The following MCF2L2 variants were observed in gnomAD, a reference collection of about 807,000 sequenced individuals.
The protein encoded by MCF2L2 is probable guanine nucleotide exchange factor MCF2L2.
In MCF2L2, 102 loss-of-function variants were observed where a neutral mutation model predicts 150.2. That is an observed-to-expected ratio of 0.68 (90% CI 0.58 to 0.80). MCF2L2 has a LOEUF of 0.80. Ranked by LOEUF, MCF2L2 falls within the 30% of genes least tolerant of loss-of-function variation. The pLI is 0.00. For synonymous variants in MCF2L2, 465 were observed against 491.3 expected, an observed-to-expected ratio of 0.95 and a Z score of 0.71; for missense variants, 1,256 against 1,372.8, an observed-to-expected ratio of 0.91 and a Z score of 1.34.
chr3:183,179,363 G>A lies in MCF2L2; in HGVS notation c.*17C>T, dbSNP rs753609893. On this transcript the variant is annotated 3_prime_UTR_variant, in exon 30 of 30. Coordinates refer to ENST00000328913, the MANE Select transcript of MCF2L2 (RefSeq NM_015078.4). The surrounding 1 kb of genome is among the most constrained non-coding windows in gnomAD (Gnocchi z 4.2). ...CGGGCGCTCTGGAGCCGAGGAGCGG[G>A]GGCGTCCGCAGGGAGGTCAGCTCTC... The A allele has an allele frequency of 4.9e-6, 7 of 1,434,770 alleles. No individual in the cohort carries two copies. The South Asian group carries it at 7.4e-5, about 15-fold the overall frequency. 88.9% of individuals were successfully genotyped at this position (1,434,770 alleles called of 1,614,324 possible). A position where few individuals can be genotyped will look rare whatever the true frequency, so the allele number is the denominator to read the frequency against.
intron 10 of MCF2L2, among the ~76,000 whole-genome samples, chr3:183,303,194 C>CAAAAAAAA (rs56742154): frequency 1.6e-5 from 2 of 123,944 alleles, no homozygotes; most frequent in African/African-American, 3.2e-5. Context: ...ACTCTGTCTC[C>CAAAAAAAA]AAAAAAAAAA....
intron 1 of MCF2L2, among the ~76,000 whole-genome samples, chr3:183,398,617 T>C (rs919740787): frequency 3.3e-5 from 5 of 152,104 alleles, no homozygotes; most frequent in African/African-American, 9.7e-5. Context: ...AAACACCCAA[T>C]TGCTAACTCT....
At chr3:183,240,944 C>T (rs540947656) in intron 15 of MCF2L2, among the ~76,000 whole-genome samples, 1 of 152,352 alleles carries the variant, frequency 6.6e-6, no homozygotes, top group African/African-American at 2.4e-5. Flanking sequence ...ATTGACCAGA[C>T]ATGTATTGAT....
chr3:183,294,360 G>A (rs927630790), intron 13 of MCF2L2, among the ~76,000 whole-genome samples: 3 of 151,730 alleles, frequency 2.0e-5, no homozygotes, highest in Admixed American at 2.0e-4. Context: ...TGTTGTTGTT[G>A]TTGTTGTTGA....
chr3:183,321,324 GTT>G (rs1379961179), intron 6 of MCF2L2, among the ~76,000 whole-genome samples: 21 of 151,996 alleles, frequency 1.4e-4, no homozygotes, highest in African/African-American at 5.1e-4. Context: ...TGTAATCCCA[GTT>G]ACTTGGGAGG....
chr3:183,411,111 C>CAAA (rs1715295461), intron 1 of MCF2L2, among the ~76,000 whole-genome samples: 2 of 152,170 alleles, frequency 1.3e-5, no homozygotes, highest in African/African-American at 4.8e-5. Context: ...AATCCTGGTC[C>CAAA]TGCCACTTAC....
At chr3:183,394,191 A>T (rs1461117080) in intron 1 of MCF2L2, among the ~76,000 whole-genome samples, 1 of 152,202 alleles carries the variant, frequency 6.6e-6, no homozygotes, top group East Asian at 1.9e-4. Flanking sequence ...AGATCTCAAC[A>T]ACTGAGTTTG....
chr3:183,183,934 A>G (rs1024490387), intron 27 of MCF2L2, among the ~76,000 whole-genome samples: 2 of 151,988 alleles, frequency 1.3e-5, no homozygotes, highest in Admixed American at 6.6e-5. Flanking sequence ...ACACACACAC[A>G]CCCCTCAGAA....
In MCF2L2 at chr3:183,336,864, AAT is replaced by A. The variant is rs34443126; in HGVS notation, c.486+1934_486+1935del. ...GAGTGAAACTCCATCTCAAAAAAAA[AAT>A]ATATATATATATATATATGGAATAT... On this transcript the variant is annotated intron_variant, in intron 5 of 29. Transcript: ENST00000328913. 1.4e-3 allele frequency among the ~76,000 whole-genome samples: 193 copies of A among 139,396 alleles called. 1 individual carries two copies. The highest frequency in any genetic ancestry group is 4.5e-3 in the African/African-American group (171 of 38,242). 91.4% of individuals were successfully genotyped at this position (139,396 alleles called of 152,430 possible).
chr3:183,266,588 G>GA (rs531215950), intron 15 of MCF2L2, among the ~76,000 whole-genome samples: 1 of 152,204 alleles, frequency 6.6e-6, no homozygotes, highest in African/African-American at 2.4e-5. Flanking sequence ...GAGCACTGTG[G>GA]AAAGACTGAG....
intron 3 of MCF2L2, among the ~76,000 whole-genome samples, chr3:183,346,033 CAAT>C (rs1389155432): frequency 6.6e-6 from 1 of 152,100 alleles, no homozygotes; most frequent in Non-Finnish European, 1.5e-5. Context: ...CTATTCCAAA[CAAT>C]AGAAAAAGAG....
At chr3:183,314,182 T>A (rs549862769) in intron 7 of MCF2L2, among the ~76,000 whole-genome samples, 5 of 152,204 alleles carry the variant, frequency 3.3e-5, no homozygotes, top group African/African-American at 7.2e-5. Flanking sequence ...CGCAATTTGA[T>A]TGGAGAGAAA....
In MCF2L2 at chr3:183,193,034, T is replaced by C. The variant is rs766939202; in HGVS notation, c.2981A>G (p.Lys994Arg). The C allele has an allele frequency of 1.6e-5, 26 of 1,614,204 alleles. No homozygotes were observed. Among genetic ancestry groups the C allele is most frequent in the Non-Finnish European group, 2.2e-5 (26 of 1,180,028 alleles). Residue 994 changes from lysine to arginine, a missense_variant, in exon 27 of 30, where the codon AAG (lysine) becomes AGG (arginine). Lys to Arg is a conservative substitution (Grantham distance 26). Coordinates refer to ENST00000328913, the MANE Select transcript of MCF2L2 (RefSeq NM_015078.4). ...IKNMERATTS[K>R]EDPASSTGGI... ...TCCTGTGCTGGAGGCCGGGTCTTCC[T>C]TGCTAGTGGTAGCTCTTTCCATATT...
chr3:183,206,914 A>G (rs548422456), intron 23 of MCF2L2, among the ~76,000 whole-genome samples: 11 of 123,358 alleles, frequency 8.9e-5, no homozygotes, highest in African/African-American at 1.9e-4. Flanking sequence ...AGAAAGAAAG[A>G]AAGGAAGGAA....
In MCF2L2 at chr3:183,181,029, C is replaced by A. The variant is rs1298816037; in HGVS notation, c.3017-870G>T. ...AGGACAGCCCCAGACCGAGGGTCAG[C>A]TGAGTAGTCTACGCGGCGGGAGCCG... On this transcript the variant is annotated intron_variant, in intron 27 of 29. Transcript: ENST00000328913. The surrounding 1 kb of genome is among the most constrained non-coding windows in gnomAD (Gnocchi z 4.3). Among the ~76,000 whole-genome samples, 1 of 152,254 alleles carries A rather than the reference C, an allele frequency of 6.6e-6. No homozygotes were observed. The highest frequency in any genetic ancestry group is 1.5e-5 in the Non-Finnish European group (1 of 68,048).
chr3:183,403,752 T>G (rs34333644), intron 1 of MCF2L2, among the ~76,000 whole-genome samples: 39,795 of 152,160 alleles, frequency 0.26, 6,052 homozygotes, highest in Non-Finnish European at 0.36. Flanking sequence ...CAGCATGGTC[T>G]GTGCTTAATA....
In MCF2L2 at chr3:183,298,302, C is replaced by T. The variant is rs542447586; in HGVS notation, c.1306-1135G>A. 7.2e-5 allele frequency: 11 copies of T among 152,260 alleles called. No homozygotes were observed. In the East Asian group the frequency reaches 1.9e-3, roughly 27 times the overall value. 9.4% of individuals were successfully genotyped at this position (152,260 alleles called of 1,614,324 possible). A position where few individuals can be genotyped will look rare whatever the true frequency, so the allele number is the denominator to read the frequency against. On this transcript the variant is annotated intron_variant, in intron 11 of 29. Coordinates refer to ENST00000328913, the MANE Select transcript of MCF2L2 (RefSeq NM_015078.4). ...GAAAAGAAGTTTCCAGTGCCAATAC[C>T]TCTGCATTTCCATTTACCATGTGAC...
chr3:183,209,594 C>T (rs1208032237), intron 22 of MCF2L2, among the ~76,000 whole-genome samples: 1 of 152,116 alleles, frequency 6.6e-6, no homozygotes, highest in African/African-American at 2.4e-5. Context: ...GTTCAAGGGA[C>T]TCTCCTGCCT....
At chr3:183,309,411 T>C (rs535830730) in intron 10 of MCF2L2, among the ~76,000 whole-genome samples, 1 of 152,306 alleles carries the variant, frequency 6.6e-6, no homozygotes, top group East Asian at 1.9e-4. Context: ...GTGATGAGCC[T>C]GTTGTGACCT....
Sources: gnomAD v4.1 joint callset for allele counts (sites outside exome capture counted in the v4.1 genomes callset) on GRCh38, gnomAD v4.1.1 for gene constraint, Gnocchi (gnomAD v3.1) non-coding constraint, MANE v1.5 for transcripts, NCBI Gene and HGNC (gene_info 2026-07-23, HGNC 2026-07-21) for gene names.